PLXNA4: variants seen among roughly 807,000 people sequenced by gnomAD.
PLXNA4 encodes plexin-A4.
A neutral mutation model predicts 191.8 loss-of-function variants in PLXNA4; 44 were observed. That is an observed-to-expected ratio of 0.23 (90% CI 0.18 to 0.29). PLXNA4 has a LOEUF of 0.29. Ranked by LOEUF, PLXNA4 falls within the 10% of genes least tolerant of loss-of-function variation. The probability of loss-of-function intolerance (pLI) is 1.00; values close to 1 mark genes in which losing one functional copy is unlikely to be tolerated. For missense variants in PLXNA4, 1,800 were observed against 2,488.8 expected (o/e 0.72, Z 5.89); for synonymous variants, 1,082 against 1,009.5 (o/e 1.07, Z -1.36).
Position 132,194,195 on chromosome 7 carries a change from G to A in PLXNA4, c.2739-16C>T. On this transcript the variant is annotated splice_polypyrimidine_tract_variant and intron_variant, in intron 13 of 31. Transcript: ENST00000321063. ...ACACACGATCCTGCAGGGAGGATAG[G>A]AGAAATCCCATGGGTCACAGGACTT... 1 of 1,607,726 alleles carries A rather than the reference G, an allele frequency of 6.2e-7. No homozygotes were observed. The highest frequency in any genetic ancestry group is 8.5e-7 in the Non-Finnish European group (1 of 1,175,502).
intron 6 of PLXNA4, 34 bp downstream of exon 6, chr7:132,228,312 C>T (rs370970966): frequency 1.9e-6 from 3 of 1,613,216 alleles, no homozygotes; most frequent in Admixed American, 3.3e-5. Context: ...TTCCTTGCAT[C>T]CCTGGACCCC....
chr7:132,377,746 C>T (rs1804719259), intron 3 of PLXNA4, among the ~76,000 whole-genome samples: 1 of 152,150 alleles, frequency 6.6e-6, no homozygotes, highest in Non-Finnish European at 1.5e-5. Flanking sequence ...TCCCTTTGCT[C>T]TCCAGAAGAT....
chr7:132,499,461 C>A (rs1798159951), intron 2 of PLXNA4, among the ~76,000 whole-genome samples: 1 of 152,214 alleles, frequency 6.6e-6, no homozygotes, highest in Admixed American at 6.5e-5. Flanking sequence ...CACCTCTCTC[C>A]TTTTGTACTT....
intron 1 of PLXNA4, among the ~76,000 whole-genome samples, chr7:132,546,957 C>A (rs141679401): frequency 6.6e-6 from 1 of 152,170 alleles, no homozygotes; most frequent in South Asian, 2.1e-4. Context: ...TCTGGTTTCA[C>A]TATTCCAGGA....
intron 25 of PLXNA4, among the ~76,000 whole-genome samples, chr7:132,154,036 C>T (rs909063917): frequency 6.6e-6 from 1 of 152,154 alleles, no homozygotes; most frequent in African/African-American, 2.4e-5. Flanking sequence ...GCACAGTCCA[C>T]GCAGGACCAC....
intron 2 of PLXNA4, among the ~76,000 whole-genome samples, chr7:132,630,534 A>T (rs1401500643): frequency 2.1e-5 from 3 of 144,986 alleles, no homozygotes; most frequent in Non-Finnish European, 4.4e-5. Context: ...TGTTTTGAGA[A>T]TGAGTCTCAC....
intron 4 of PLXNA4, among the ~76,000 whole-genome samples, chr7:132,251,698 G>A (rs907350265): frequency 2.0e-5 from 3 of 152,242 alleles, no homozygotes; most frequent in Non-Finnish European, 2.9e-5. Context: ...TGAGTGCACA[G>A]CAGCCCAAGG....
chr7:132,420,270 C>G (rs1017247838), intron 3 of PLXNA4, among the ~76,000 whole-genome samples: 1 of 152,232 alleles, frequency 6.6e-6, no homozygotes, highest in African/African-American at 2.4e-5. Context: ...TTGTATCACA[C>G]GTTTCTCACT....
chr7:132,481,094 T>C (rs1797316900), intron 3 of PLXNA4, among the ~76,000 whole-genome samples: 1 of 152,022 alleles, frequency 6.6e-6, no homozygotes, highest in Non-Finnish European at 1.5e-5. Flanking sequence ...GTGAGAGGAT[T>C]AGAACTGCTT....
At chr7:132,166,735 C>A (rs1796134342) in intron 22 of PLXNA4, among the ~76,000 whole-genome samples, 1 of 150,896 alleles carries the variant, frequency 6.6e-6, no homozygotes, top group Non-Finnish European at 1.5e-5. Flanking sequence ...GACACAGAGG[C>A]AGAGCGAGAC....
intron 3 of PLXNA4, among the ~76,000 whole-genome samples, chr7:132,439,644 C>T (rs1795613503): frequency 6.6e-6 from 1 of 152,164 alleles, no homozygotes; most frequent in South Asian, 2.1e-4. Flanking sequence ...GGAACCAAAA[C>T]ATTTGCAAAC....
At chr7:132,227,303 C>T (rs940406369) in intron 7 of PLXNA4, 148 bp downstream of exon 7, 2 of 1,091,244 alleles carry the variant, frequency 1.8e-6, no homozygotes, top group African/African-American at 1.6e-5. Context: ...CCATCCCCCT[C>T]TTCCCATAAC....
At chr7:132,594,950 GATAGATAGATAGA>G (rs1473273422) in intron 2 of PLXNA4, among the ~76,000 whole-genome samples, 1 of 119,836 alleles carries the variant, frequency 8.3e-6, no homozygotes, top group East Asian at 2.4e-4. Flanking sequence ...TAGATAGATA[GATAGATAGATAGA>G]TAATTGATAG....
intron 2 of PLXNA4, among the ~76,000 whole-genome samples, chr7:132,624,980 ACT>A (rs1214471073): frequency 6.6e-6 from 1 of 152,034 alleles, no homozygotes; most frequent in African/African-American, 2.4e-5. Context: ...AGATAAAATA[ACT>A]CTTCCCCACA....
At chr7:132,168,087 G>C (rs912523826) in intron 22 of PLXNA4, among the ~76,000 whole-genome samples, 16 of 152,200 alleles carry the variant, frequency 1.1e-4, no homozygotes, top group Non-Finnish European at 1.8e-4. Context: ...GAGAACAAGA[G>C]GGTGAGCCAA....
chr7:132,374,079 T>C (rs1021138847), intron 3 of PLXNA4, among the ~76,000 whole-genome samples: 4 of 152,218 alleles, frequency 2.6e-5, no homozygotes, highest in African/African-American at 9.7e-5. Context: ...AGCCATTTGA[T>C]GCTGACCTGC....
At chr7:132,565,589 G>C (rs1291177516) in intron 1 of PLXNA4, among the ~76,000 whole-genome samples, 1 of 152,090 alleles carries the variant, frequency 6.6e-6, no homozygotes, top group African/African-American at 2.4e-5. Context: ...TATGGTCCAA[G>C]CAGGGAAACA....
At chr7:132,538,721 G>A (rs775543463) in intron 1 of PLXNA4, among the ~76,000 whole-genome samples, 11 of 152,214 alleles carry the variant, frequency 7.2e-5, no homozygotes, top group Non-Finnish European at 1.3e-4. Context: ...AGGAGAGCCA[G>A]GATGCTGTAG....
At chr7:132,572,572 C>T (rs1802028498) in intron 1 of PLXNA4, among the ~76,000 whole-genome samples, 1 of 152,166 alleles carries the variant, frequency 6.6e-6, no homozygotes, top group African/African-American at 2.4e-5. Flanking sequence ...AGGAACAAGG[C>T]CTGGGCTCTT....
Sources: gnomAD v4.1 joint callset for allele counts (sites outside exome capture counted in the v4.1 genomes callset) on GRCh38, gnomAD v4.1.1 for gene constraint, MANE v1.5 for transcripts, NCBI Gene and HGNC (gene_info 2026-07-23, HGNC 2026-07-21) for gene names.